SH3RF1: variants seen among roughly 807,000 people sequenced by gnomAD.
SH3RF1 encodes the protein SH3 domain containing ring finger 1, also known as E3 ubiquitin-protein ligase SH3RF1.
SH3RF1 carries 32 observed loss-of-function variants against 74.0 expected under a neutral mutation model. The ratio of observed to expected loss-of-function variants is 0.43; its 90% confidence interval spans 0.33 to 0.58. The LOEUF (loss-of-function observed/expected upper bound fraction) is 0.58, where lower values mean the gene tolerates loss of function less well. Ranked by LOEUF, SH3RF1 falls within the 20% of genes least tolerant of loss-of-function variation. The pLI is 0.05. For missense variants in SH3RF1, 954 were observed against 1,130.9 expected (o/e 0.84, Z 2.24); for synonymous variants, 396 against 439.6 (o/e 0.90, Z 1.24).
intron 2 of SH3RF1, among the ~76,000 whole-genome samples, chr4:169,184,991 C>T (rs1734579812): frequency 6.6e-6 from 1 of 152,198 alleles, no homozygotes. Context: ...AAAGCCTCCT[C>T]ATTCCAGACG....
intron 2 of SH3RF1, among the ~76,000 whole-genome samples, chr4:169,194,182 A>G (rs990690248): frequency 3.3e-5 from 5 of 152,200 alleles, no homozygotes; most frequent in Non-Finnish European, 7.3e-5. Context: ...CTAAAATTGC[A>G]TGAGTGTCTG....
At chr4:169,255,620 C>T (rs1212120291) in intron 2 of SH3RF1, among the ~76,000 whole-genome samples, 5 of 127,584 alleles carry the variant, frequency 3.9e-5, no homozygotes, top group African/African-American at 1.5e-4. Context: ...TACATACACA[C>T]ATACACACAC....
intron 5 of SH3RF1, among the ~76,000 whole-genome samples, chr4:169,135,669 A>G (rs560942484): frequency 6.6e-6 from 1 of 152,192 alleles, no homozygotes; most frequent in African/African-American, 2.4e-5. Context: ...TAAAGTGCTC[A>G]ATAAATGTCT....
At chr4:169,170,569 T>C (rs1579117973) in intron 2 of SH3RF1, among the ~76,000 whole-genome samples, 1 of 152,236 alleles carries the variant, frequency 6.6e-6, no homozygotes, top group Admixed American at 6.5e-5. Flanking sequence ...TAATTTTACA[T>C]GTTCACCAGG....
intron 2 of SH3RF1, among the ~76,000 whole-genome samples, chr4:169,249,010 G>C (rs148950054): frequency 0.045 from 6,911 of 152,216 alleles, 323 homozygotes; most frequent in Admixed American, 0.15. Context: ...GGCAGATCAC[G>C]AGGTCAGGAG....
chr4:169,196,703 A>G (rs542148841), intron 2 of SH3RF1, among the ~76,000 whole-genome samples: 6 of 152,230 alleles, frequency 3.9e-5, no homozygotes, highest in South Asian at 4.1e-4. Flanking sequence ...AGACTTTTTT[A>G]TACTTTATCT....
intron 2 of SH3RF1, among the ~76,000 whole-genome samples, chr4:169,254,877 G>C (rs1049596862): frequency 6.6e-6 from 1 of 152,160 alleles, no homozygotes; most frequent in East Asian, 1.9e-4. Context: ...GGTCCTATGA[G>C]GACATGTAAA....
intron 2 of SH3RF1, among the ~76,000 whole-genome samples, chr4:169,171,766 C>A (rs1030917131): frequency 2.6e-5 from 4 of 152,274 alleles, no homozygotes; most frequent in Admixed American, 2.6e-4. Context: ...TCACAAAAAA[C>A]CACAGAAGAC....
chr4:169,139,788 C>T (rs1449322871), intron 4 of SH3RF1, among the ~76,000 whole-genome samples: 1 of 152,128 alleles, frequency 6.6e-6, no homozygotes, highest in African/African-American at 2.4e-5. Context: ...AGTTCTAGTC[C>T]TAGCACAGCC....
At chr4:169,177,593 G>A (rs944495482) in intron 2 of SH3RF1, among the ~76,000 whole-genome samples, 1 of 152,168 alleles carries the variant, frequency 6.6e-6, no homozygotes, top group Non-Finnish European at 1.5e-5. Context: ...ATCACTGAAA[G>A]AATTAGTCTA....
At chr4:169,160,131 C>A (rs1435343490) in intron 2 of SH3RF1, among the ~76,000 whole-genome samples, 1 of 152,204 alleles carries the variant, frequency 6.6e-6, no homozygotes, top group African/African-American at 2.4e-5. Context: ...TCAATTAGCT[C>A]TGTTTGGCCC....
intron 11 of SH3RF1, among the ~76,000 whole-genome samples, chr4:169,099,252 T>A (rs1437321330): frequency 6.6e-6 from 1 of 152,168 alleles, no homozygotes; most frequent in African/African-American, 2.4e-5. Flanking sequence ...CCAAACCTGG[T>A]TAATCTTTTT....
chr4:169,179,077 G>A (rs1734468004), intron 2 of SH3RF1, among the ~76,000 whole-genome samples: 1 of 152,120 alleles, frequency 6.6e-6, no homozygotes, highest in African/African-American at 2.4e-5. Flanking sequence ...CATGGCAAAA[G>A]GGATTTTACA....
chr4:169,131,305 GA>G (rs1255798793), intron 5 of SH3RF1, among the ~76,000 whole-genome samples: 2 of 152,148 alleles, frequency 1.3e-5, no homozygotes, highest in Admixed American at 6.5e-5. Flanking sequence ...ACTAAAGTTT[GA>G]AACTAAGTAG....
chr4:169,256,479 T>C (rs1216157956), intron 2 of SH3RF1, among the ~76,000 whole-genome samples: 1 of 152,246 alleles, frequency 6.6e-6, no homozygotes, highest in Non-Finnish European at 1.5e-5. Flanking sequence ...AGCTTGGGTA[T>C]CTGAAGTTTA....
Position 169,269,316 on chromosome 4 carries a change from A to C in SH3RF1, c.-95-9T>G. The stretch of plus-strand genomic sequence containing the variant: ...CCATTTCAGACTTTGCTCTAGAGTC[A>C]TGGGGAAAAGGGGGAAAAGAGAACA... On this transcript the variant is annotated splice_polypyrimidine_tract_variant and intron_variant, in intron 1 of 11. Transcript: ENST00000284637. 3 of 1,266,266 alleles carry C rather than the reference A, an allele frequency of 2.4e-6. No homozygotes were observed. The highest frequency in any genetic ancestry group is 3.2e-6 in the Non-Finnish European group (3 of 939,164). The allele number at this position is 1,266,266 out of a possible 1,614,324, so 78.4% of individuals were successfully genotyped here. A position where few individuals can be genotyped will look rare whatever the true frequency, so the allele number is the denominator to read the frequency against.
chr4:169,121,962 GA>G, intron 7 of SH3RF1, 137 bp downstream of exon 7: 3 of 1,073,794 alleles, frequency 2.8e-6, no homozygotes, highest in Non-Finnish European at 4.0e-6. Context: ...TGACCAGGTA[GA>G]AGTTTGCAGG....
At chr4:169,111,811 T>C (rs769500476) in intron 10 of SH3RF1, among the ~76,000 whole-genome samples, 7 of 152,242 alleles carry the variant, frequency 4.6e-5, no homozygotes, top group African/African-American at 7.2e-5. Flanking sequence ...CAGGAAAGAA[T>C]TGAGATGAAA....
intron 2 of SH3RF1, among the ~76,000 whole-genome samples, chr4:169,171,552 A>G (rs975906286): frequency 2.0e-5 from 3 of 152,222 alleles, no homozygotes; most frequent in Non-Finnish European, 2.9e-5. Flanking sequence ...ATAGGAGAAA[A>G]GTAGACAGCA....
Sources: allele counts gnomAD v4.1 joint callset (sites outside exome capture counted in the v4.1 genomes callset), GRCh38; gene constraint gnomAD v4.1.1; transcripts MANE v1.5; gene names NCBI Gene and HGNC (gene_info 2026-07-23, HGNC 2026-07-21).